Variants in TMEM220 observed in about 807,000 individuals in gnomAD.
The protein encoded by TMEM220 is transmembrane protein 220.
A neutral mutation model predicts 21.7 loss-of-function variants in TMEM220; 21 were observed. The observed-to-expected ratio is 0.97, with a 90% CI of 0.69 to 1.39. The LOEUF (loss-of-function observed/expected upper bound fraction) is 1.39. Among genes scored for constraint, TMEM220 ranks in the 40% most tolerant of loss-of-function variants. The pLI, the probability that TMEM220 is intolerant of heterozygous loss-of-function variation, is 0.00. For missense variants in TMEM220, 191 were observed against 201.9 expected (o/e 0.95, Z 0.33); for synonymous variants, 80 against 73.6 (o/e 1.09, Z -0.45).
chr17:10,716,266 T>A (rs403817), intron 5 of TMEM220: 337,596 of 729,934 alleles, frequency 0.46, 80,877 homozygotes, highest in African/African-American at 0.66. Context: ...CTGCCGGCCC[T>A]CTCGGTTGGG....
rs2075109140 is a variant in TMEM220, at chr17:10,729,956, C to A, written c.-105G>T. ...TCCTTGCGCGGAGGGACCGAGACCC[C>A]CGCCTCGGTTTCGGTGCCTTGGGGA... is the stretch of plus-strand genomic sequence containing the variant. On this transcript the variant is annotated 5_prime_UTR_variant, in exon 1 of 6. Coordinates refer to ENST00000341871, the MANE Select transcript of TMEM220 (RefSeq NM_001004313.3). 8.1e-7 allele frequency: 1 copy of A among 1,232,664 alleles called. No homozygotes were observed. The highest frequency in any genetic ancestry group is 1.0e-6 in the Non-Finnish European group (1 of 987,380). 76.4% of individuals were successfully genotyped at this position (1,232,664 alleles called of 1,614,324 possible).
At position 10,725,034 on chromosome 17, in the gene TMEM220, G is replaced by A. The variant is rs1013772248; in HGVS notation, c.264C>T (p.Asn88=). 1.2e-6 allele frequency: 2 copies of A among 1,614,164 alleles called. No homozygotes were observed. Among genetic ancestry groups the A allele is most frequent in the Non-Finnish European group, 1.7e-6 (2 of 1,180,034 alleles). ...ACCTGCCTTCTTCCTCATGTAAGAT[G>A]TTCTGTTGTGTACGATGCAAGAGGT... ...ASYLLHRTQQ[N]ILHEEEGREL... is the part of the protein sequence containing the mutation. The change falls in exon 4 of 6, where the codon AAC becomes AAT. Residue 88 remains asparagine (N), a synonymous_variant. Transcript: ENST00000341871.
chr17:10,715,386 G>T lies in TMEM220; in HGVS notation c.*67C>A. On this transcript the variant is annotated 3_prime_UTR_variant, in exon 6 of 6. Coordinates refer to ENST00000341871, the MANE Select transcript of TMEM220 (RefSeq NM_001004313.3). ...ATTACCTGAAATAAACTCCTGGCTT[G>T]TTCCCCTAATGTTTATAAAAAATTG... 3.4e-6 allele frequency: 5 copies of T among 1,450,078 alleles called. No homozygotes were observed. The highest frequency in any genetic ancestry group is 1.5e-5 in the African/African-American group (1 of 68,248). 89.8% of individuals were successfully genotyped at this position (1,450,078 alleles called of 1,614,324 possible).
chr17:10,719,396 T>C (rs552915457), intron 5 of TMEM220, among the ~76,000 whole-genome samples: 5 of 152,200 alleles, frequency 3.3e-5, no homozygotes, highest in Non-Finnish European at 5.9e-5. Context: ...GCCTCCCAAG[T>C]AGCTGGGACT....
rs146942194 is a variant in TMEM220, at chr17:10,719,326, G to C, written c.348-3738C>G. ...GAGTCTCTCTCTGTCTCCCAGGCTGGAGTGCAGTGGCGCGATCTCGGCTCA... is the reference window on the plus strand; with the variant it reads ...GAGTCTCTCTCTGTCTCCCAGGCTGCAGTGCAGTGGCGCGATCTCGGCTCA... On this transcript the variant is annotated intron_variant, in intron 5 of 5. Coordinates refer to ENST00000341871, the MANE Select transcript of TMEM220 (RefSeq NM_001004313.3). Among the ~76,000 whole-genome samples, 2,082 of 152,116 alleles carry C rather than the reference G, an allele frequency of 0.014. 86 individuals are homozygous for C. The East Asian group carries it at 0.15, about 11-fold the overall frequency.
At position 10,714,114 on chromosome 17, in the gene TMEM220, T is replaced by G. The variant is rs2074878808; in HGVS notation, c.*1339A>C. ...GATAAAATCAACTTTAATAGTATAT[T>G]TAACCCATTATAGCCAAAATATTGT... On this transcript the variant is annotated 3_prime_UTR_variant, in exon 6 of 6. Transcript: ENST00000341871. The G allele has an allele frequency of 1.3e-5, 2 of 152,230 alleles. No individual in the cohort carries two copies. The highest frequency in any genetic ancestry group is 1.3e-4 in the Admixed American group (2 of 15,286). The allele number at this position is 152,230 out of a possible 1,614,324, so 9.4% of individuals were successfully genotyped here.
At chr17:10,717,373 A>T (rs556939046) in intron 5 of TMEM220, among the ~76,000 whole-genome samples, 1 of 152,212 alleles carries the variant, frequency 6.6e-6, no homozygotes, top group East Asian at 1.9e-4. Flanking sequence ...AAGAGCTTTT[A>T]ACATAAATGG....
chr17:10,729,872 G>A lies in TMEM220; in HGVS notation c.-21C>T, dbSNP rs1172697667. ...GCCATGGCTCGGAGAACACGGCGCGGGGCGGTGAGTCCTGCCACGTGCGGG... is the reference window on the plus strand; with the variant it reads ...GCCATGGCTCGGAGAACACGGCGCGAGGCGGTGAGTCCTGCCACGTGCGGG... On this transcript the variant is annotated 5_prime_UTR_variant, in exon 1 of 6. Coordinates refer to ENST00000341871, the MANE Select transcript of TMEM220 (RefSeq NM_001004313.3). 1.5e-6 allele frequency: 2 copies of A among 1,292,690 alleles called. No individual in the cohort carries two copies. Among genetic ancestry groups the A allele is most frequent in the Non-Finnish European group, 9.8e-7 (1 of 1,022,898 alleles). The allele number at this position is 1,292,690 out of a possible 1,614,324, so 80.1% of individuals were successfully genotyped here. A position where few individuals can be genotyped will look rare whatever the true frequency, so the allele number is the denominator to read the frequency against.
intron 5 of TMEM220, among the ~76,000 whole-genome samples, chr17:10,723,004 A>C (rs1391716509): frequency 7.5e-6 from 1 of 134,082 alleles, no homozygotes; most frequent in Non-Finnish European, 1.5e-5. Flanking sequence ...TTTTTTTGAG[A>C]GAGTGTTGCT....
In TMEM220 at chr17:10,715,192, G is replaced by A. The variant is rs780704095; in HGVS notation, c.*261C>T. 3.1e-4 allele frequency: 84 copies of A among 271,242 alleles called. 1 individual carries two copies. The highest frequency in any genetic ancestry group is 1.9e-3 in the South Asian group (26 of 13,686). The allele number at this position is 271,242 out of a possible 1,614,324, so 16.8% of individuals were successfully genotyped here. ...TAGTTACAAAGTTAAGTTAGAACTC[G>A]TATTTTTAAACTTCTATTCTCTAGC... is the stretch of plus-strand genomic sequence containing the variant. On this transcript the variant is annotated 3_prime_UTR_variant, in exon 6 of 6. Coordinates refer to ENST00000341871, the MANE Select transcript of TMEM220 (RefSeq NM_001004313.3).
intron 5 of TMEM220, among the ~76,000 whole-genome samples, chr17:10,718,579 T>C (rs960986940): frequency 1.2e-4 from 18 of 152,188 alleles, no homozygotes; most frequent in African/African-American, 3.9e-4. Flanking sequence ...TATGTCTATA[T>C]GTTTCCCTCT....
intron 5 of TMEM220, 116 bp from the exon 6 acceptor site, chr17:10,715,704 T>C (rs2074908348): frequency 2.9e-6 from 2 of 701,358 alleles, no homozygotes; most frequent in African/African-American, 3.7e-5. Context: ...ATCTCAGTTG[T>C]TTTATTGAAA....
chr17:10,722,232 T>G (rs2075001739), intron 5 of TMEM220, among the ~76,000 whole-genome samples: 2 of 152,314 alleles, frequency 1.3e-5, no homozygotes, highest in African/African-American at 4.8e-5. Flanking sequence ...TGACCTCAGT[T>G]GATCCGCCTG....
intron 5 of TMEM220, chr17:10,716,276 GA>G: frequency 1.4e-6 from 1 of 697,738 alleles, no homozygotes; most frequent in Non-Finnish European, 2.6e-6. Flanking sequence ...TCTCGGTTGG[GA>G]GGAGGCCATA....
At chr17:10,729,713 C>T (rs571305181) in intron 1 of TMEM220, 67 bp downstream of exon 1, 4 of 1,277,126 alleles carry the variant, frequency 3.1e-6, no homozygotes, top group Non-Finnish European at 4.0e-6. Context: ...GTCAGTTACA[C>T]GGCCCGCTAG....
chr17:10,711,506 C>CT (rs1451511606), downstream of TMEM220, among the ~76,000 whole-genome samples: 6 of 152,148 alleles, frequency 3.9e-5, no homozygotes, highest in African/African-American at 1.4e-4. Flanking sequence ...CTCAGGTAAG[C>CT]TTTTTCTATT....
rs955167830 is a variant in TMEM220 at position 10,715,055 on chromosome 17, T to G, written c.*398A>C. ...CAAACACTTTATATCTTCAGAGTGT[T>G]CTTACATTATCTAGATTGATCCTTG... On this transcript the variant is annotated 3_prime_UTR_variant, in exon 6 of 6. Coordinates refer to ENST00000341871, the MANE Select transcript of TMEM220 (RefSeq NM_001004313.3). The G allele has an allele frequency of 2.4e-5, 4 of 163,686 alleles. No homozygotes were observed. Among genetic ancestry groups the G allele is most frequent in the African/African-American group, 4.8e-5 (2 of 41,466 alleles). The allele number at this position is 163,686 out of a possible 1,614,324, so 10.1% of individuals were successfully genotyped here. A position where few individuals can be genotyped will look rare whatever the true frequency, so the allele number is the denominator to read the frequency against.
chr17:10,726,353 A>T (rs1021971760), intron 2 of TMEM220, 89 bp from the exon 3 acceptor site: 18 of 1,074,866 alleles, frequency 1.7e-5, no homozygotes, highest in Middle Eastern at 2.1e-4. Flanking sequence ...AAGAAAGATG[A>T]GATCAGTGGC....
intron 5 of TMEM220, 39 bp downstream of exon 5, chr17:10,723,231 G>C (rs141429403): frequency 6.3e-7 from 1 of 1,586,014 alleles, no homozygotes; most frequent in South Asian, 1.1e-5. Context: ...TGCCCGCCTC[G>C]GCCTCCCAAA....
Sources: allele counts gnomAD v4.1 joint callset (sites outside exome capture counted in the v4.1 genomes callset), GRCh38; gene constraint gnomAD v4.1.1; transcripts MANE v1.5; gene names NCBI Gene and HGNC (gene_info 2026-07-23, HGNC 2026-07-21).